The following ZC3H12B variants were observed in gnomAD, a reference collection of about 807,000 sequenced individuals.
ZC3H12B encodes probable ribonuclease ZC3H12B.
Under a neutral mutation model 43.9 loss-of-function variants are expected in ZC3H12B, and 7 were observed. The observed-to-expected ratio is 0.16, with a 90% CI of 0.09 to 0.30. ZC3H12B has a LOEUF of 0.30. Among genes scored for constraint, ZC3H12B ranks in the 10% least tolerant of loss-of-function variants. The pLI, the probability that ZC3H12B is intolerant of heterozygous loss-of-function variation, is 1.00. For synonymous variants in ZC3H12B, 222 were observed against 241.7 expected (o/e 0.92, Z 0.76); for missense variants, 475 against 670.2 (o/e 0.71, Z 3.22).
the ZC3H12B span, among the ~76,000 whole-genome samples, chrX:65,062,552 G>T: frequency 9.0e-6 from 1 of 111,674 alleles, no homozygotes; most frequent in African/African-American, 3.3e-5. Context: ...ATGCTGTTTT[G>T]GTTACTGTAG....
chrX:65,320,324 G>C, the ZC3H12B span, among the ~76,000 whole-genome samples: 1 of 111,078 alleles, frequency 9.0e-6, no homozygotes, highest in Non-Finnish European at 1.9e-5. Flanking sequence ...AAATACCTAG[G>C]AATACAGCTA....
chrX:65,325,306 A>G, the ZC3H12B span, among the ~76,000 whole-genome samples: 1 of 111,556 alleles, frequency 9.0e-6, no homozygotes, highest in Non-Finnish European at 1.9e-5. Flanking sequence ...GAAAGATGTA[A>G]AACTATTGCT....
the ZC3H12B span, among the ~76,000 whole-genome samples, chrX:65,129,496 C>T: frequency 1.8e-5 from 2 of 108,262 alleles, no homozygotes; most frequent in African/African-American, 3.4e-5. Context: ...CGGGCAGGGG[C>T]GGGGGTCACA....
At chrX:65,332,249 T>A in the ZC3H12B span, among the ~76,000 whole-genome samples, 1 of 110,859 alleles carries the variant, frequency 9.0e-6, no homozygotes, top group East Asian at 2.8e-4. Flanking sequence ...GGCAATAATA[T>A]TCCTCCCTAA....
rs184600182 is a variant in ZC3H12B, at chrX:65,398,997, C to T, written n.407+293C>T. Among the ~76,000 whole-genome samples, 515 of 111,867 alleles carry T rather than the reference C, an allele frequency of 4.6e-3. 2 individuals are homozygous for T. The highest frequency in any genetic ancestry group is 7.3e-3 in the Non-Finnish European group (387 of 53,168). ...TATGCAGAAGAATGAAATTAGATCC[C>T]GGTCTCTCACCATATACAAAAGTCA... On this transcript the variant is annotated intron_variant and non_coding_transcript_variant, in intron 3 of 5. Transcript: ENST00000617377.
At chrX:65,443,658 T>C (rs200755263) in intron 3 of ZC3H12B, among the ~76,000 whole-genome samples, 69 of 112,764 alleles carry the variant, frequency 6.1e-4, no homozygotes, top group East Asian at 5.6e-4. Flanking sequence ...TTGTTTGTGG[T>C]TTAAGAATGC....
At chrX:65,286,429 G>A in the ZC3H12B span, among the ~76,000 whole-genome samples, 1 of 111,449 alleles carries the variant, frequency 9.0e-6, no homozygotes, top group Non-Finnish European at 1.9e-5. Flanking sequence ...TGGAGGGAAG[G>A]AAGGGTTGCA....
At chrX:65,163,240 C>T in the ZC3H12B span, among the ~76,000 whole-genome samples, 1 of 111,562 alleles carries the variant, frequency 9.0e-6, no homozygotes, top group Admixed American at 9.5e-5. Context: ...CTTGAGGAGG[C>T]AGTCTTCCCA....
chrX:65,211,208 C>G, the ZC3H12B span, among the ~76,000 whole-genome samples: 1 of 108,439 alleles, frequency 9.2e-6, no homozygotes, highest in Non-Finnish European at 1.9e-5. Context: ...GGATATTAGC[C>G]CTTTGTCAGA....
intron 3 of ZC3H12B, among the ~76,000 whole-genome samples, chrX:65,450,824 T>G (rs763045652): frequency 4.6e-5 from 3 of 65,352 alleles, no homozygotes; most frequent in Non-Finnish European, 6.8e-5. Flanking sequence ...TGTATATATA[T>G]ACATATGTGT....
At chrX:65,422,925 CTTTTTTTTTTTT>C (rs34567013) in intron 3 of ZC3H12B, among the ~76,000 whole-genome samples, 8 of 46,177 alleles carry the variant, frequency 1.7e-4, no homozygotes, top group African/African-American at 2.1e-4. Context: ...TCTTTCTTTG[CTTTTTTTTTTTT>C]TTTTTTTTTT....
At chrX:65,158,170 CATT>C in the ZC3H12B span, among the ~76,000 whole-genome samples, 1 of 109,124 alleles carries the variant, frequency 9.2e-6, no homozygotes, top group African/African-American at 3.3e-5. Context: ...TCCAGTCTAT[CATT>C]GTTGGACATT....
intron 3 of ZC3H12B, among the ~76,000 whole-genome samples, chrX:65,415,899 G>T (rs1488040775): frequency 8.9e-6 from 1 of 112,028 alleles, no homozygotes; most frequent in Non-Finnish European, 1.9e-5. Flanking sequence ...TTGAGATTCA[G>T]TTTCAAGTAA....
chrX:65,383,360 C>A (rs2066471852), intron 2 of ZC3H12B, among the ~76,000 whole-genome samples: 1 of 111,873 alleles, frequency 8.9e-6, no homozygotes, highest in Admixed American at 9.5e-5. Context: ...GGAAAGGATT[C>A]CCTATTTAAT....
chrX:65,072,016 A>G, the ZC3H12B span, among the ~76,000 whole-genome samples: 1 of 112,130 alleles, frequency 8.9e-6, no homozygotes, highest in African/African-American at 3.2e-5. Flanking sequence ...AAGTTGGGAA[A>G]GTTCTCATGG....
chrX:65,443,767 A>G lies in ZC3H12B; in HGVS notation n.408-44879A>G, dbSNP rs773570164. 4.4e-5 allele frequency among the ~76,000 whole-genome samples: 5 copies of G among 112,597 alleles called. No individual in the cohort carries two copies. In the South Asian group the frequency reaches 1.1e-3, roughly 25 times the overall value. On this transcript the variant is annotated intron_variant and non_coding_transcript_variant, in intron 3 of 5. Coordinates refer to the ZC3H12B transcript ENST00000617377. The stretch of plus-strand genomic sequence containing the variant: ...TTTGGGTGTTATGGCCATTATGGAC[A>G]TATTACATTGCTGCAGAGATTGTAT...
chrX:65,299,270 A>AT, the ZC3H12B span, among the ~76,000 whole-genome samples: 3 of 111,979 alleles, frequency 2.7e-5, no homozygotes, highest in Non-Finnish European at 3.8e-5. Context: ...AGAAAGGAAT[A>AT]TTTTTTAATT....
chrX:65,287,989 C>CATATATATAT, the ZC3H12B span, among the ~76,000 whole-genome samples: 4 of 90,422 alleles, frequency 4.4e-5, no homozygotes, highest in African/African-American at 2.3e-4. Context: ...ATTTTATATA[C>CATATATATAT]ATATATATAT....
the ZC3H12B span, among the ~76,000 whole-genome samples, chrX:65,212,263 T>TAATATATAATATAATATATAATATATAA: frequency 4.3e-5 from 2 of 46,379 alleles, no homozygotes; most frequent in African/African-American, 2.5e-4. Context: ...ATATAATATA[T>TAATATATAATATAATATATAATATATAA]TATATAATAT....
Sources: allele counts gnomAD v4.1 joint callset (sites outside exome capture counted in the v4.1 genomes callset), GRCh38; gene constraint gnomAD v4.1.1; transcripts MANE v1.5; gene names NCBI Gene and HGNC (gene_info 2026-07-23, HGNC 2026-07-21).